WDR17: variants seen among roughly 807,000 people sequenced by gnomAD.
The protein encoded by WDR17 is WD repeat domain 17.
WDR17 carries 143 observed loss-of-function variants against 161.7 expected under a neutral mutation model. The observed-to-expected ratio is 0.88, with a 90% CI of 0.77 to 1.02. The LOEUF (loss-of-function observed/expected upper bound fraction) is 1.02. Ranked by LOEUF, WDR17 falls within the 50% of genes least tolerant of loss-of-function variation. The pLI, the probability that WDR17 is intolerant of heterozygous loss-of-function variation, is 0.00. For synonymous variants in WDR17, 517 were observed against 515.6 expected, an observed-to-expected ratio of 1.00 and a Z score of -0.04; for missense variants, 1,469 against 1,520.9, an observed-to-expected ratio of 0.97 and a Z score of 0.57.
chr4:176,068,551 A>G (rs868611869), intron 1 of WDR17, among the ~76,000 whole-genome samples: 16 of 152,330 alleles, frequency 1.1e-4, no homozygotes, highest in African/African-American at 3.6e-4. Flanking sequence ...GCAGTGAGCC[A>G]AGATTGCGCC....
At chr4:176,158,155 A>C (rs926490287) in intron 18 of WDR17, among the ~76,000 whole-genome samples, 1 of 152,224 alleles carries the variant, frequency 6.6e-6, no homozygotes, top group African/African-American at 2.4e-5. Flanking sequence ...TGATGTGATC[A>C]ATTCTTCATT....
intron 22 of WDR17, among the ~76,000 whole-genome samples, chr4:176,164,191 G>A (rs1749445014): frequency 6.6e-6 from 1 of 152,154 alleles, no homozygotes; most frequent in Non-Finnish European, 1.5e-5. Context: ...AATTCACTAG[G>A]TTCTATGTGG....
intron 4 of WDR17, among the ~76,000 whole-genome samples, chr4:176,121,364 G>A (rs925797787): frequency 6.6e-6 from 1 of 152,046 alleles, no homozygotes; most frequent in African/African-American, 2.4e-5. Flanking sequence ...TTTGTCTCCG[G>A]CAGTCTTCCT....
At chr4:176,068,235 T>G (rs994147602) in intron 1 of WDR17, 3 of 152,200 alleles carry the variant, frequency 2.0e-5, no homozygotes, top group African/African-American at 7.2e-5. Flanking sequence ...AATATTAAAG[T>G]GAAGTCATGT....
chr4:176,136,243 T>C (rs1744383035), intron 8 of WDR17, among the ~76,000 whole-genome samples: 1 of 151,664 alleles, frequency 6.6e-6, no homozygotes, highest in African/African-American at 2.4e-5. Flanking sequence ...TGACAATGTT[T>C]GTCCTTTAAG....
chr4:176,107,850 CT>C (rs368731268), intron 1 of WDR17, among the ~76,000 whole-genome samples: 25 of 149,724 alleles, frequency 1.7e-4, no homozygotes, highest in Admixed American at 8.6e-4. Flanking sequence ...TCCTTCCTTC[CT>C]TTTTTTCTTC....
At chr4:176,136,031 CAG>C (rs1744344352) in intron 8 of WDR17, among the ~76,000 whole-genome samples, 1 of 151,526 alleles carries the variant, frequency 6.6e-6, no homozygotes, top group Admixed American at 6.6e-5. Context: ...TATATTTCAT[CAG>C]AGAGTTTGGG....
rs191463010 is a variant in WDR17 at position 176,132,219 on chromosome 4, C to T, written c.1098+481C>T. Among the ~76,000 whole-genome samples the T allele has an allele frequency of 3.2e-3, 489 of 152,164 alleles. 2 individuals are homozygous for T. Among genetic ancestry groups the T allele is most frequent in the Non-Finnish European group, 3.3e-3 (226 of 67,938 alleles). ...AGCCCCTATATAAGATAGAATACAA[C>T]CTCCTTGAGATCCCACATTTTTGTC... On this transcript the variant is annotated intron_variant, in intron 7 of 28. Coordinates refer to ENST00000508596, the MANE Select transcript of WDR17 (RefSeq NM_181265.4).
chr4:176,131,963 T>A (rs1388239256), intron 7 of WDR17, among the ~76,000 whole-genome samples: 1 of 152,134 alleles, frequency 6.6e-6, no homozygotes, highest in Admixed American at 6.5e-5. Flanking sequence ...TGTCTACTTA[T>A]ATTTTATGTA....
chr4:176,118,406 T>C (rs1039540982), intron 3 of WDR17, among the ~76,000 whole-genome samples: 1 of 152,214 alleles, frequency 6.6e-6, no homozygotes, highest in African/African-American at 2.4e-5. Flanking sequence ...TGTTAATGTA[T>C]CCTAAAACCA....
chr4:176,115,310 C>CA (rs1041881149), intron 2 of WDR17, among the ~76,000 whole-genome samples: 5 of 150,606 alleles, frequency 3.3e-5, no homozygotes, highest in Non-Finnish European at 5.9e-5. Context: ...ATGTCCCATC[C>CA]AAAAAAAACA....
chr4:176,144,532 A>G (rs1229621993), intron 11 of WDR17, among the ~76,000 whole-genome samples: 1 of 152,186 alleles, frequency 6.6e-6, no homozygotes, highest in African/African-American at 2.4e-5. Context: ...TCTCTGTTTT[A>G]TAGAGTTAAT....
rs377267907 is a variant in WDR17, at chr4:176,131,568, C to T, written c.928C>T (p.Pro310Ser). 6.2e-7 allele frequency: 1 copy of T among 1,605,444 alleles called. No homozygotes were observed. Among genetic ancestry groups the T allele is most frequent in the Non-Finnish European group, 8.5e-7 (1 of 1,176,254 alleles). Reference sequence around the variant, plus strand: ...TCTATTTTTAGTTTCAGTCCAATCTCCAACCAAAAATCATTATACATCCTC... The same window carrying T: ...TCTATTTTTAGTTTCAGTCCAATCTTCAACCAAAAATCATTATACATCCTC... ...PPRKKFSVQS[P>S]TKNHYTSSTS... Residue 310 changes from proline to serine, a missense_variant, in exon 7 of 29, where the codon CCA becomes TCA. Coordinates refer to ENST00000508596, the MANE Select transcript of WDR17 (RefSeq NM_181265.4).
chr4:176,141,740 T>C (rs1195642271), intron 10 of WDR17, among the ~76,000 whole-genome samples: 1 of 152,108 alleles, frequency 6.6e-6, no homozygotes, highest in Non-Finnish European at 1.5e-5. Context: ...GCCAAGAAAA[T>C]AGTTTTTAAA....
chr4:176,067,636 A>G (rs1019541230), intron 1 of WDR17, among the ~76,000 whole-genome samples: 2 of 105,344 alleles, frequency 1.9e-5, no homozygotes, highest in Admixed American at 8.4e-5. Context: ...TAAGTTACCC[A>G]TTAGTCACAT....
chr4:176,167,821 C>T (rs17062546), intron 22 of WDR17, among the ~76,000 whole-genome samples: 5,006 of 151,696 alleles, frequency 0.033, 258 homozygotes, highest in African/African-American at 0.11. Context: ...TTTTAAAACC[C>T]TCAGTTGCTT....
At position 176,109,182 on chromosome 4, in the gene WDR17, A is replaced by C. The variant is rs149581851; in HGVS notation, c.-6-2393A>C. Among the ~76,000 whole-genome samples, 193 of 152,336 alleles carry C rather than the reference A, an allele frequency of 1.3e-3. 1 individual carries two copies. The highest frequency in any genetic ancestry group is 4.0e-3 in the Admixed American group (61 of 15,300). The stretch of plus-strand genomic sequence containing the variant: ...CTCAATATTTGGTTAAACAGAAATC[A>C]AAAGACATTTTTACTTAGATGCAAA... On this transcript the variant is annotated intron_variant, in intron 1 of 28. Transcript: ENST00000508596.
intron 10 of WDR17, 122 bp downstream of exon 10, chr4:176,140,096 AT>A (rs1414301583): frequency 2.8e-6 from 2 of 709,182 alleles, no homozygotes; most frequent in Non-Finnish European, 4.5e-6. Flanking sequence ...CAGAGGCGTT[AT>A]TTTTAAGCCC....
Position 176,131,570 on chromosome 4 carries a change from A to T in WDR17, c.930A>T (p.Pro310=). 1.9e-6 allele frequency: 3 copies of T among 1,607,114 alleles called. No homozygotes were observed. Among genetic ancestry groups the T allele is most frequent in the Non-Finnish European group, 2.5e-6 (3 of 1,177,054 alleles). Residue 310 remains proline, a synonymous_variant, in exon 7 of 29, where the codon CCA becomes CCT. Transcript: ENST00000508596. ...TATTTTTAGTTTCAGTCCAATCTCC[A>T]ACCAAAAATCATTATACATCCTCAA... ...PPRKKFSVQS[P]TKNHYTSSTS...
Sources: gnomAD v4.1 joint callset for allele counts (sites outside exome capture counted in the v4.1 genomes callset) on GRCh38, gnomAD v4.1.1 for gene constraint, MANE v1.5 for transcripts, NCBI Gene and HGNC (gene_info 2026-07-23, HGNC 2026-07-21) for gene names.